AKNA: variants seen among roughly 807,000 people sequenced by gnomAD.
The protein encoded by AKNA is AT-hook transcription factor.
In AKNA, 67 loss-of-function variants were observed where a neutral mutation model predicts 138.8. That is an observed-to-expected ratio of 0.48 (90% CI 0.40 to 0.59). The LOEUF is 0.59. AKNA is among the 20% of genes least tolerant of loss of function. The probability of loss-of-function intolerance (pLI) is 0.00; values close to 1 mark genes in which losing one functional copy is unlikely to be tolerated. For synonymous variants in AKNA, 737 were observed against 754.4 expected, an observed-to-expected ratio of 0.98 and a Z score of 0.38; for missense variants, 1,813 against 1,880.4, an observed-to-expected ratio of 0.96 and a Z score of 0.66.
At chr9:114,351,484 A>C (rs1343924444) in intron 14 of AKNA, among the ~76,000 whole-genome samples, 1 of 152,150 alleles carries the variant, frequency 6.6e-6, no homozygotes, top group Admixed American at 6.5e-5. Flanking sequence ...TGGGTGACCA[A>C]AGGTTAAAAA....
intron 21 of AKNA, among the ~76,000 whole-genome samples, chr9:114,338,079 G>T (rs183211341): frequency 6.6e-5 from 10 of 152,278 alleles, no homozygotes; most frequent in African/African-American, 2.4e-4. Context: ...GTGTGGTGGA[G>T]GAGGGAGATA....
chr9:114,368,488 T>C lies in AKNA; in HGVS notation c.1524A>G (p.Ala508=). The C allele has an allele frequency of 7.4e-7, 1 of 1,350,550 alleles. No homozygotes were observed. The highest frequency in any genetic ancestry group is 2.3e-5 in the South Asian group (1 of 42,954). 83.7% of individuals were successfully genotyped at this position (1,350,550 alleles called of 1,614,324 possible). ...LSFTIPQPRS[A]EWWPGPAEDP... ...CCTCGGCCGGGCCCGGCCACCACTCTGCAGAGCGGGGCTGTGGGATGGTGA... is the reference window on the plus strand; with the variant it reads ...CCTCGGCCGGGCCCGGCCACCACTCCGCAGAGCGGGGCTGTGGGATGGTGA... The change falls in exon 5 of 22, where the codon GCA becomes GCG. Residue 508 remains alanine, a synonymous_variant. Transcript: ENST00000374088.
chr9:114,371,248 G>C (rs373492245), intron 4 of AKNA, among the ~76,000 whole-genome samples: 1 of 152,250 alleles, frequency 6.6e-6, no homozygotes, highest in Non-Finnish European at 1.5e-5. Context: ...AGTTCTGCTA[G>C]AGTGTGGTGT....
At chr9:114,379,598 C>A (rs147692212) in intron 2 of AKNA, among the ~76,000 whole-genome samples, 1 of 152,228 alleles carries the variant, frequency 6.6e-6, no homozygotes, top group Non-Finnish European at 1.5e-5. Context: ...ACCACACCAG[C>A]CTGCGGGAGT....
intron 9 of AKNA, 84 bp from the exon 10 acceptor site, chr9:114,360,146 C>T (rs751743057): frequency 1.3e-5 from 21 of 1,568,206 alleles, no homozygotes; most frequent in Non-Finnish European, 1.8e-5. Flanking sequence ...CAGGCTCGAG[C>T]TGTGGGCTGC....
chr9:114,377,489 C>T lies in AKNA; in HGVS notation c.318G>A (p.Glu106=). 1.2e-6 allele frequency: 2 copies of T among 1,611,810 alleles called. No individual in the cohort carries two copies. The highest frequency in any genetic ancestry group is 8.5e-7 in the Non-Finnish European group (1 of 1,178,982). Residue 106 remains glutamate (E), a synonymous_variant, in exon 3 of 22, where the codon GAG becomes GAA. Coordinates refer to ENST00000374088, the MANE Select transcript of AKNA (RefSeq NM_001317950.2). Reference sequence around the variant, plus strand: ...CCTGCTGGGGGAGCCAGGCAAGAGGCTCATGGGAACTTGCTGGGCTGTCCA... The same window carrying T: ...CCTGCTGGGGGAGCCAGGCAAGAGGTTCATGGGAACTTGCTGGGCTGTCCA... ...EDVDSPASSH[E]PLAWLPQQGR... is the part of the protein sequence containing the mutation.
chr9:114,346,291 G>C (rs553099535), intron 17 of AKNA, among the ~76,000 whole-genome samples: 15 of 152,286 alleles, frequency 9.8e-5, no homozygotes, highest in Non-Finnish European at 1.9e-4. Flanking sequence ...CTCAGAGCAG[G>C]TAAACAACTC....
chr9:114,351,085 G>T, intron 14 of AKNA, 64 bp from the exon 15 acceptor site: 1 of 1,522,366 alleles, frequency 6.6e-7, no homozygotes, highest in Admixed American at 1.9e-5. Context: ...GCTCACACTT[G>T]TGCAGGTGGA....
chr9:114,397,759 G>A (rs1834576320), upstream of AKNA, among the ~76,000 whole-genome samples: 1 of 152,100 alleles, frequency 6.6e-6, no homozygotes, highest in Non-Finnish European at 1.5e-5. Flanking sequence ...CTCCTCCGCA[G>A]GTGTACCAAG....
rs74374955 is a variant in AKNA at position 114,375,305 on chromosome 9, G to A, written c.1342-1138C>T. Reference sequence around the variant, plus strand: ...GATTTCCGCAACAAATGAATTGCACGGCAGAAGTAAGAAGGAGGACGGACT... The same window carrying A: ...GATTTCCGCAACAAATGAATTGCACAGCAGAAGTAAGAAGGAGGACGGACT... On this transcript the variant is annotated intron_variant, in intron 3 of 21. Coordinates refer to ENST00000374088, the MANE Select transcript of AKNA (RefSeq NM_001317950.2). Among the ~76,000 whole-genome samples, 185 of 152,266 alleles carry A rather than the reference G, an allele frequency of 1.2e-3. 1 individual carries two copies. Among genetic ancestry groups the A allele is most frequent in the African/African-American group, 4.3e-3 (179 of 41,530 alleles).
chr9:114,358,131 T>C lies in AKNA; in HGVS notation c.2529A>G (p.Pro843=). 1 of 1,614,214 alleles carries C rather than the reference T, an allele frequency of 6.2e-7. No homozygotes were observed. The highest frequency in any genetic ancestry group is 1.3e-5 in the African/African-American group (1 of 75,076). Residue 843 remains proline (P), a synonymous_variant, in exon 12 of 22, where the codon CCA becomes CCG. Coordinates refer to ENST00000374088, the MANE Select transcript of AKNA (RefSeq NM_001317950.2). ...ATEKMVSMKP[P]GFQASLARDG... ...CTCTAGCCAGGGATGCCTGGAAACCTGGTGGCTTCATAGATACCATCTTCT... is the reference window on the plus strand; with the variant it reads ...CTCTAGCCAGGGATGCCTGGAAACCCGGTGGCTTCATAGATACCATCTTCT...
chr9:114,377,337 T>C lies in AKNA; in HGVS notation c.470A>G (p.Asn157Ser), dbSNP rs757612570. 1 of 1,613,860 alleles carries C rather than the reference T, an allele frequency of 6.2e-7. No individual in the cohort carries two copies. Among genetic ancestry groups the C allele is most frequent in the Non-Finnish European group, 8.5e-7 (1 of 1,179,942 alleles). ...EAGLSLEGHG[N>S]TSPMALGHGQ... ...ATGCCCAAGAGCCATGGGGCTGGTG[T>C]TTCCATGGCCTTCCAAGCTGAGACC... The change falls in exon 3 of 22, where the codon AAC becomes AGC. Residue 157 changes from asparagine (N) to serine (S), a missense_variant. Coordinates refer to ENST00000374088, the MANE Select transcript of AKNA (RefSeq NM_001317950.2).
rs112192144 is a variant in AKNA at position 114,361,757 on chromosome 9, G to A, written c.2071C>T (p.Pro691Ser). Reference sequence around the variant, plus strand: ...ATGGGGGCTTGTCCAGAAGGAGCAGGCAGGTGCGTTGGCTGATGGAGGCAG... The same window carrying A: ...ATGGGGGCTTGTCCAGAAGGAGCAGACAGGTGCGTTGGCTGATGGAGGCAG... ...LPCLHQPTHL[P>S]APSGQAPMPA... Residue 691 changes from proline (P) to serine (S), a missense_variant, in exon 9 of 22, where the codon CCT becomes TCT. Coordinates refer to ENST00000374088, the MANE Select transcript of AKNA (RefSeq NM_001317950.2). 1.4e-5 allele frequency: 22 copies of A among 1,613,770 alleles called. No individual in the cohort carries two copies. In the African/African-American group the frequency reaches 1.7e-4, roughly 13 times the overall value.
Position 114,375,614 on chromosome 9 carries a change from C to T in AKNA, c.1341+852G>A, listed in dbSNP as rs578235150. Among the ~76,000 whole-genome samples, 22 of 151,950 alleles carry T rather than the reference C, an allele frequency of 1.4e-4. No individual in the cohort carries two copies. In the East Asian group the frequency reaches 3.7e-3, roughly 25 times the overall value. ...ATCTTTAGACATACACACACTAACA[C>T]ATTTTTAGATAAAAGGATTGGATGC... is the stretch of plus-strand genomic sequence containing the variant. On this transcript the variant is annotated intron_variant, in intron 3 of 21. Transcript: ENST00000374088.
At chr9:114,351,797 C>G (rs1410649076) in intron 14 of AKNA, among the ~76,000 whole-genome samples, 1 of 152,008 alleles carries the variant, frequency 6.6e-6, no homozygotes, top group African/African-American at 2.4e-5. Flanking sequence ...CGACACTGCA[C>G]TGCAGCCTGG....
intron 15 of AKNA, among the ~76,000 whole-genome samples, chr9:114,349,184 A>G (rs1712122726): frequency 6.6e-6 from 1 of 152,234 alleles, no homozygotes. Flanking sequence ...AGGCACTAAA[A>G]AAAAAGACTT....
At chr9:114,387,190 G>T (rs1834097605) in intron 1 of AKNA, among the ~76,000 whole-genome samples, 1 of 152,170 alleles carries the variant, frequency 6.6e-6, no homozygotes, top group Non-Finnish European at 1.5e-5. Context: ...CCACCCACCT[G>T]CTGGCAGGGC....
At chr9:114,355,217 C>A (rs1831407519) in intron 14 of AKNA, among the ~76,000 whole-genome samples, 1 of 150,130 alleles carries the variant, frequency 6.7e-6, no homozygotes, top group Non-Finnish European at 1.5e-5. Flanking sequence ...GCTCTGTCAC[C>A]CAGGCTGGAG....
chr9:114,359,278 A>AGGCTAGT, intron 11 of AKNA: 1 of 397,686 alleles, frequency 2.5e-6, no homozygotes, highest in Non-Finnish European at 4.5e-6. Context: ...CGTTTTGCTC[A>AGGCTAGT]GGCTAGTCTT....
Sources: allele counts gnomAD v4.1 joint callset (sites outside exome capture counted in the v4.1 genomes callset), GRCh38; gene constraint gnomAD v4.1.1; transcripts MANE v1.5; gene names NCBI Gene and HGNC (gene_info 2026-07-23, HGNC 2026-07-21).